The following MRE11 variants were observed in gnomAD, a reference collection of about 807,000 sequenced individuals.
MRE11 encodes double-strand break repair protein MRE11.
MRE11 carries 62 observed loss-of-function variants against 91.7 expected under a neutral mutation model. The ratio of observed to expected loss-of-function variants is 0.68; its 90% CI spans 0.55 to 0.84. MRE11 has a LOEUF of 0.84. Among genes scored for constraint, MRE11 ranks in the 40% least tolerant of loss-of-function variants. MRE11 has a pLI of 0.00. For synonymous variants in MRE11, 273 were observed against 271.4 expected, an observed-to-expected ratio of 1.01 and a Z score of -0.06; for missense variants, 796 against 852.9, an observed-to-expected ratio of 0.93 and a Z score of 0.83.
chr11:94,459,716 T>A, intron 12 of MRE11, 135 bp from the exon 13 acceptor site: 1 of 981,976 alleles, frequency 1.0e-6, no homozygotes, highest in Non-Finnish European at 1.5e-6. Context: ...CCTACTAATA[T>A]CAGGAACCAG....
At chr11:94,435,045 T>C (rs963686113) in intron 18 of MRE11, among the ~76,000 whole-genome samples, 11 of 152,162 alleles carry the variant, frequency 7.2e-5, no homozygotes, top group African/African-American at 2.7e-4. Context: ...AAGTCAAGCT[T>C]AACAGCAATA....
rs1291823327 is a variant in MRE11 at position 94,416,862 on chromosome 11, A to C, written c.*3263T>G. ...TCCGTCTCAAAAAAAAAAAACAAAA[A>C]AAACCCAAAATACTATGAATTAAAT... On this transcript the variant is annotated 3_prime_UTR_variant, in exon 20 of 20. Coordinates refer to ENST00000323929, the MANE Select transcript of MRE11 (RefSeq NM_005591.4). 6.6e-6 allele frequency: 1 copy of C among 151,898 alleles called. No homozygotes were observed. The highest frequency in any genetic ancestry group is 2.4e-5 in the African/African-American group (1 of 41,384). 9.4% of individuals were successfully genotyped at this position (151,898 alleles called of 1,614,324 possible). A position where few individuals can be genotyped will look rare whatever the true frequency, so the allele number is the denominator to read the frequency against.
chr11:94,480,795 A>T (rs1304523233), intron 4 of MRE11, among the ~76,000 whole-genome samples: 2 of 152,154 alleles, frequency 1.3e-5, no homozygotes, highest in African/African-American at 2.4e-5. Flanking sequence ...GCATGTTGGA[A>T]TTATCTTGGG....
chr11:94,445,274 G>T (rs13447701), intron 16 of MRE11, among the ~76,000 whole-genome samples: 5 of 152,132 alleles, frequency 3.3e-5, no homozygotes, highest in Non-Finnish European at 7.4e-5. Flanking sequence ...AACAGCATTT[G>T]TCTGAAAGTA....
chr11:94,435,259 A>T (rs1228501750), intron 18 of MRE11, among the ~76,000 whole-genome samples: 1 of 152,220 alleles, frequency 6.6e-6, no homozygotes, highest in Non-Finnish European at 1.5e-5. Flanking sequence ...GTCTTCCATT[A>T]AGAAAAGCAC....
At chr11:94,498,551 T>C, upstream of MRE11, 2 of 1,582,788 alleles carry the variant, frequency 1.3e-6, no homozygotes, top group Non-Finnish European at 1.7e-6. Flanking sequence ...GTAATTTTCC[T>C]AAGTTTCTAA....
chr11:94,504,990 TC>T, the MRE11 span, among the ~76,000 whole-genome samples: 4 of 152,202 alleles, frequency 2.6e-5, no homozygotes, highest in Non-Finnish European at 5.9e-5. Flanking sequence ...AAATTTCCTA[TC>T]ACCCAGTGAT....
the MRE11 span, among the ~76,000 whole-genome samples, chr11:94,511,623 A>T: frequency 6.6e-6 from 1 of 152,232 alleles, no homozygotes; most frequent in African/African-American, 2.4e-5. Flanking sequence ...AAAAAGCAGC[A>T]ATATAAGGAT....
chr11:94,481,303 T>C (rs1247541891), intron 4 of MRE11, among the ~76,000 whole-genome samples: 1 of 151,950 alleles, frequency 6.6e-6, no homozygotes, highest in African/African-American at 2.4e-5. Context: ...AGCAAGACTC[T>C]GTCTCGAAAA....
the MRE11 span, among the ~76,000 whole-genome samples, chr11:94,500,566 A>G: frequency 6.6e-6 from 1 of 152,238 alleles, no homozygotes; most frequent in Non-Finnish European, 1.5e-5. Flanking sequence ...ACAAAGACTT[A>G]TTAAAAAATA....
chr11:94,466,581 C>A, intron 10 of MRE11: 2 of 479,190 alleles, frequency 4.2e-6, no homozygotes, highest in South Asian at 1.5e-5. Flanking sequence ...CAACCTAATA[C>A]AAACCAAGGG....
At chr11:94,425,895 C>A (rs1447739226) in intron 19 of MRE11, among the ~76,000 whole-genome samples, 4 of 152,190 alleles carry the variant, frequency 2.6e-5, no homozygotes, top group African/African-American at 7.2e-5. Flanking sequence ...GAGGCTTCAA[C>A]ACCCCACTGA....
chr11:94,466,409 A>C lies in MRE11; in HGVS notation c.1098+1404T>G, dbSNP rs548015755. ...GTATTAATAAGGGCTTCACTATGCC[A>C]GCGACAGTGGGATAAAGAAACGGGA... On this transcript the variant is annotated intron_variant, in intron 10 of 19. Coordinates refer to ENST00000323929, the MANE Select transcript of MRE11 (RefSeq NM_005591.4). 48 of 490,470 alleles carry C rather than the reference A, an allele frequency of 9.8e-5. 1 individual carries two copies. The highest frequency in any genetic ancestry group is 8.7e-4 in the African/African-American group (44 of 50,862). The allele number at this position is 490,470 out of a possible 1,614,324, so 30.4% of individuals were successfully genotyped here.
At chr11:94,433,940 C>A (rs1054654968) in intron 18 of MRE11, among the ~76,000 whole-genome samples, 1 of 152,124 alleles carries the variant, frequency 6.6e-6, no homozygotes, top group African/African-American at 2.4e-5. Flanking sequence ...AAAGTAGATG[C>A]CCGTCCTGTG....
At chr11:94,451,339 T>C (rs564956824) in intron 14 of MRE11, among the ~76,000 whole-genome samples, 1 of 152,080 alleles carries the variant, frequency 6.6e-6, no homozygotes, top group Admixed American at 6.5e-5. Context: ...TTGAGAAAAT[T>C]ATTAAAAGAA....
At chr11:94,477,024 C>T (rs1233517283) in intron 6 of MRE11, among the ~76,000 whole-genome samples, 1 of 152,162 alleles carries the variant, frequency 6.6e-6, no homozygotes, top group Non-Finnish European at 1.5e-5. Context: ...CTGGCCTGTT[C>T]CAGGTTCTTG....
the MRE11 span, among the ~76,000 whole-genome samples, chr11:94,503,574 T>A: frequency 1.3e-5 from 2 of 151,682 alleles, no homozygotes; most frequent in African/African-American, 4.8e-5. Context: ...CCTGTAGTCC[T>A]AGCTACTCGG....
At chr11:94,443,457 ATATTAGCTAT>A (rs1945840768) in intron 16 of MRE11, among the ~76,000 whole-genome samples, 1 of 152,230 alleles carries the variant, frequency 6.6e-6, no homozygotes. Context: ...AGTTTCATAA[ATATTAGCTAT>A]TATTGCTACT....
In MRE11 at chr11:94,420,071, G is replaced by C; in HGVS notation, c.*54C>G. On this transcript the variant is annotated 3_prime_UTR_variant, in exon 20 of 20. Coordinates refer to ENST00000323929, the MANE Select transcript of MRE11 (RefSeq NM_005591.4). ...ATCTTAAACTGTAAACTCTTAGCTTGTAACATTTTCATTTTTCCTGTATCT... is the reference window on the plus strand; with the variant it reads ...ATCTTAAACTGTAAACTCTTAGCTTCTAACATTTTCATTTTTCCTGTATCT... 7.2e-7 allele frequency: 1 copy of C among 1,389,652 alleles called. No homozygotes were observed. Among genetic ancestry groups the C allele is most frequent in the South Asian group, 1.2e-5 (1 of 85,724 alleles). The allele number at this position is 1,389,652 out of a possible 1,614,324, so 86.1% of individuals were successfully genotyped here. A position where few individuals can be genotyped will look rare whatever the true frequency, so the allele number is the denominator to read the frequency against.
Sources: gnomAD v4.1 joint callset for allele counts (sites outside exome capture counted in the v4.1 genomes callset) on GRCh38, gnomAD v4.1.1 for gene constraint, MANE v1.5 for transcripts, NCBI Gene and HGNC (gene_info 2026-07-23, HGNC 2026-07-21) for gene names.